Variants in MARK2 observed in about 807,000 individuals in gnomAD.
MARK2 encodes the protein microtubule affinity regulating kinase 2.
A neutral mutation model predicts 89.8 loss-of-function variants in MARK2; 16 were observed. That is an observed-to-expected ratio of 0.18 (90% CI 0.12 to 0.27). The LOEUF is 0.27. Among genes scored for constraint, MARK2 ranks in the 10% least tolerant of loss-of-function variants. MARK2 has a pLI of 1.00. For synonymous variants in MARK2, 382 were observed against 399.5 expected, an observed-to-expected ratio of 0.96 and a Z score of 0.52; for missense variants, 621 against 1,049.9, an observed-to-expected ratio of 0.59 and a Z score of 5.65.
intron 1 of MARK2, among the ~76,000 whole-genome samples, chr11:63,842,547 A>T (rs1330011456): frequency 6.6e-6 from 1 of 152,134 alleles, no homozygotes; most frequent in Non-Finnish European, 1.5e-5. Context: ...GACAAGCAGC[A>T]GCTCCTCAGG....
chr11:63,895,642 A>C lies in MARK2; in HGVS notation c.288+9A>C. 6.4e-7 allele frequency: 1 copy of C among 1,556,986 alleles called. No individual in the cohort carries two copies. The highest frequency in any genetic ancestry group is 8.8e-7 in the Non-Finnish European group (1 of 1,134,602). On this transcript the variant is annotated intron_variant, in intron 3 of 18. Coordinates refer to ENST00000402010, the MANE Select transcript of MARK2 (RefSeq NM_001039469.3). ...CCTCCAGCCTCCAGAAAGTAAGCAC[A>C]TGGCACCTCCTGTCCCTTTTTTTTT...
intron 1 of MARK2, among the ~76,000 whole-genome samples, chr11:63,860,431 A>G (rs1243016014): frequency 1.3e-5 from 2 of 150,794 alleles, no homozygotes; most frequent in African/African-American, 4.9e-5. Context: ...GTGCGCCTGT[A>G]GTCCCAGCTA....
chr11:63,890,422 C>T, intron 1 of MARK2: 1 of 423,228 alleles, frequency 2.4e-6, no homozygotes, highest in Non-Finnish European at 4.4e-6. Flanking sequence ...TTCTCTGGCT[C>T]CTGAACAAGC....
intron 1 of MARK2, among the ~76,000 whole-genome samples, chr11:63,891,511 G>A (rs978900475): frequency 8.5e-5 from 13 of 152,230 alleles, no homozygotes; most frequent in South Asian, 2.1e-4. Flanking sequence ...CAGAGCTCAG[G>A]ATGGGCATGG....
At chr11:63,844,191 T>C (rs1405680853) in intron 1 of MARK2, among the ~76,000 whole-genome samples, 1 of 152,220 alleles carries the variant, frequency 6.6e-6, no homozygotes, top group East Asian at 1.9e-4. Context: ...TAGAATAATT[T>C]CTCTCTGGTC....
In MARK2 at chr11:63,908,603, G is replaced by GA. The variant is rs1491312692; in HGVS notation, c.2007-273dup. On this transcript the variant is annotated intron_variant, in intron 18 of 18. Transcript: ENST00000402010. ...CCCTGTGCTCGGAGGCTTCTTTCTG[G>GA]AGAGAGAGTCTGTGCTCGTGCTGTT... Among the ~76,000 whole-genome samples the GA allele has an allele frequency of 2.0e-5, 3 of 152,180 alleles. No homozygotes were observed. The East Asian group carries it at 5.8e-4, about 29-fold the overall frequency.
At chr11:63,842,693 T>C (rs1426121100) in intron 1 of MARK2, among the ~76,000 whole-genome samples, 1 of 152,174 alleles carries the variant, frequency 6.6e-6, no homozygotes, top group African/African-American at 2.4e-5. Context: ...AGTCTTAATG[T>C]TATTTTTTTT....
intron 1 of MARK2, chr11:63,868,793 C>T (rs754029285): frequency 4.4e-6 from 2 of 455,918 alleles, no homozygotes; most frequent in Admixed American, 2.3e-5. Flanking sequence ...GAATATTGTC[C>T]AGCGTTGGAG....
At position 63,899,059 on chromosome 11, in the gene MARK2, C is replaced by A; in HGVS notation, c.482C>A (p.Ser161Tyr). Reference sequence around the variant, plus strand: ...CTTCTTCCTTCCTTTCAGATAGTGTCTGCTGTGCAGTACTGTCACCAGAAG... The same window carrying A: ...CTTCTTCCTTCCTTTCAGATAGTGTATGCTGTGCAGTACTGTCACCAGAAG... The part of the protein sequence containing the change: ...EARAKFRQIV[S>Y]AVQYCHQKFI... Residue 161 changes from serine to tyrosine, a missense_variant, in exon 7 of 19, where the codon TCT becomes TAT. Physicochemically the swap from Ser to Tyr is moderately radical, Grantham distance 144. This residue lies in a region of MARK2 where 82 missense variants were observed against 287.7 expected (regional missense o/e 0.29). Coordinates refer to ENST00000402010, the MANE Select transcript of MARK2 (RefSeq NM_001039469.3). The A allele has an allele frequency of 6.2e-7, 1 of 1,611,296 alleles. No homozygotes were observed. The highest frequency in any genetic ancestry group is 8.5e-7 in the Non-Finnish European group (1 of 1,177,744).
intron 1 of MARK2, among the ~76,000 whole-genome samples, chr11:63,894,687 G>A (rs549522421): frequency 3.5e-4 from 53 of 152,240 alleles, no homozygotes; most frequent in African/African-American, 1.2e-3. Flanking sequence ...CAAGAGTAAA[G>A]CTCTGTCTCA....
chr11:63,903,580 C>T lies in MARK2; in HGVS notation c.1515-406C>T, dbSNP rs947762771. Among the ~76,000 whole-genome samples the T allele has an allele frequency of 2.6e-5, 4 of 151,952 alleles. No homozygotes were observed. The highest frequency in any genetic ancestry group is 5.9e-5 in the Non-Finnish European group (4 of 67,978). On this transcript the variant is annotated intron_variant, in intron 14 of 18. Coordinates refer to ENST00000402010, the MANE Select transcript of MARK2 (RefSeq NM_001039469.3). The surrounding 1 kb of genome is among the most constrained non-coding windows in gnomAD (Gnocchi z 5.1). ...CATGAGACCAGAGCTCCCCAGCCTT[C>T]ACCGGCCGCATTTCTTGGTGTTGCA... is the stretch of plus-strand genomic sequence containing the variant.
At chr11:63,892,154 G>C (rs750544126) in intron 1 of MARK2, among the ~76,000 whole-genome samples, 1 of 152,176 alleles carries the variant, frequency 6.6e-6, no homozygotes, top group African/African-American at 2.4e-5. Context: ...ATGAGGAAGA[G>C]AGAAGGAAGT....
chr11:63,859,330 T>C (rs1447997475), intron 1 of MARK2, among the ~76,000 whole-genome samples: 1 of 151,732 alleles, frequency 6.6e-6, no homozygotes, highest in Admixed American at 6.6e-5. Context: ...TTTTTTTTTT[T>C]TTTCCCCGAG....
At chr11:63,869,388 A>C (rs973747796) in intron 1 of MARK2, 1 of 167,246 alleles carries the variant, frequency 6.0e-6, no homozygotes, top group Non-Finnish European at 1.3e-5. Flanking sequence ...GGCAAGTGCT[A>C]GGAACTAGGT....
intron 1 of MARK2, among the ~76,000 whole-genome samples, chr11:63,857,835 A>AT (rs1038711493): frequency 9.3e-5 from 14 of 149,782 alleles, no homozygotes; most frequent in Admixed American, 2.7e-4. Flanking sequence ...TGGTTGATAC[A>AT]TTTTTTTTTT....
chr11:63,890,121 A>T (rs1939714456), intron 1 of MARK2: 2 of 530,274 alleles, frequency 3.8e-6, no homozygotes, highest in Non-Finnish European at 6.7e-6. Context: ...GGAAGAAGCT[A>T]GGTGAGGAAG....
rs1227925432 is a variant in MARK2 at position 63,900,660 on chromosome 11, C to T, written c.870C>T (p.Ser290=). 2 of 1,614,076 alleles carry T rather than the reference C, an allele frequency of 1.2e-6. No individual in the cohort carries two copies. The highest frequency in any genetic ancestry group is 2.7e-5 in the African/African-American group (2 of 74,930). ...LLKKFLILNP[S]KRGTLEQIMK... ...AGAAATTTCTCATTCTTAATCCCAGCAAGAGAGGCACTTTAGAGGTGAGCA... is the reference window on the plus strand; with the variant it reads ...AGAAATTTCTCATTCTTAATCCCAGTAAGAGAGGCACTTTAGAGGTGAGCA... The change falls in exon 9 of 19, where the codon AGC becomes AGT. Residue 290 remains serine (S), a synonymous_variant. Coordinates refer to ENST00000402010, the MANE Select transcript of MARK2 (RefSeq NM_001039469.3). The surrounding 1 kb of genome is among the most constrained non-coding windows in gnomAD (Gnocchi z 4.7).
At chr11:63,846,908 G>A (rs9735314) in intron 1 of MARK2, among the ~76,000 whole-genome samples, 14,200 of 151,608 alleles carry the variant, frequency 0.094, 909 homozygotes, top group South Asian at 0.22. Context: ...CACCCACCTC[G>A]GCCTCCCAAA....
intron 1 of MARK2, chr11:63,888,847 C>G: frequency 1.5e-6 from 2 of 1,307,516 alleles, no homozygotes; most frequent in Non-Finnish European, 2.0e-6. Flanking sequence ...GCCGGCAGCC[C>G]CCGCCCTAGG....
Sources: allele counts gnomAD v4.1 joint callset (sites outside exome capture counted in the v4.1 genomes callset), GRCh38; gene constraint gnomAD v4.1.1; regional missense constraint gnomAD v4.1.1; non-coding constraint Gnocchi (gnomAD v3.1); transcripts MANE v1.5; gene names NCBI Gene and HGNC (gene_info 2026-07-23, HGNC 2026-07-21).